CHL1: variants seen among roughly 807,000 people sequenced by gnomAD.
CHL1 encodes the protein cell adhesion molecule L1 like.
A neutral mutation model predicts 141.9 loss-of-function variants in CHL1; 96 were observed. The observed-to-expected ratio is 0.68, with a 90% CI of 0.57 to 0.80. The LOEUF (loss-of-function observed/expected upper bound fraction) is 0.80, where lower values mean the gene tolerates loss of function less well. Among genes scored for constraint, CHL1 ranks in the 30% least tolerant of loss-of-function variants. The pLI is 0.00. For synonymous variants in CHL1, 613 were observed against 502.2 expected (o/e 1.22, Z -2.95); for missense variants, 1,820 against 1,457.2 (o/e 1.25, Z -4.05).
At chr3:210,623 A>G (rs971557375) in intron 1 of CHL1, among the ~76,000 whole-genome samples, 2 of 152,264 alleles carry the variant, frequency 1.3e-5, no homozygotes, top group African/African-American at 2.4e-5. Flanking sequence ...GACCGTTCAG[A>G]TTCAAAGGAA....
chr3:328,947 C>G (rs1386720051), intron 5 of CHL1, among the ~76,000 whole-genome samples: 3 of 152,146 alleles, frequency 2.0e-5, no homozygotes, highest in East Asian at 1.9e-4. Flanking sequence ...ATAGTCCCAT[C>G]TAACATCAAT....
rs116027810 is a variant in CHL1, at chr3:323,655, G to C, written c.92-2304G>C. Among the ~76,000 whole-genome samples the C allele has an allele frequency of 1.6e-3, 240 of 151,962 alleles. 2 individuals are homozygous for C. The highest frequency in any genetic ancestry group is 5.6e-3 in the African/African-American group (234 of 41,468). On this transcript the variant is annotated intron_variant, in intron 3 of 27. Coordinates refer to ENST00000256509, the MANE Select transcript of CHL1 (RefSeq NM_006614.4). ...ACGGCTGGATTTTCTTTATATCTTT[G>C]AACAAATCAACCCTATTTCAACAGA...
intron 2 of CHL1, chr3:247,799 C>T (rs1254730873): frequency 6.6e-6 from 1 of 152,094 alleles, no homozygotes; most frequent in African/African-American, 2.4e-5. Flanking sequence ...AACATCTCTT[C>T]ACATGCATTC....
chr3:285,781 C>T (rs1434218364), intron 2 of CHL1, among the ~76,000 whole-genome samples: 1 of 152,002 alleles, frequency 6.6e-6, no homozygotes, highest in Non-Finnish European at 1.5e-5. Flanking sequence ...TCAGAAGTGA[C>T]CTAAAACCAA....
chr3:339,232 T>A (rs1206519332), intron 5 of CHL1, among the ~76,000 whole-genome samples: 1 of 152,216 alleles, frequency 6.6e-6, no homozygotes, highest in Admixed American at 6.5e-5. Flanking sequence ...ACGTTTTGTA[T>A]ATTACTATGC....
At chr3:220,191 G>T (rs1405992745) in intron 1 of CHL1, among the ~76,000 whole-genome samples, 1 of 152,178 alleles carries the variant, frequency 6.6e-6, no homozygotes, top group Non-Finnish European at 1.5e-5. Context: ...GGAATACTGT[G>T]TGCTGATTGT....
intron 5 of CHL1, among the ~76,000 whole-genome samples, chr3:337,517 T>TC (rs1415625859): frequency 2.4e-4 from 33 of 138,454 alleles, no homozygotes; most frequent in African/African-American, 8.1e-4. Context: ...CCCTCCCCTC[T>TC]CCCCCCACCC....
At chr3:216,543 A>G (rs1700337883) in intron 1 of CHL1, among the ~76,000 whole-genome samples, 1 of 152,246 alleles carries the variant, frequency 6.6e-6, no homozygotes, top group Non-Finnish European at 1.5e-5. Flanking sequence ...AACCCTGTCT[A>G]TTAAAAAAAG....
At chr3:282,474 T>C (rs1332615876) in intron 2 of CHL1, among the ~76,000 whole-genome samples, 1 of 152,206 alleles carries the variant, frequency 6.6e-6, no homozygotes, top group African/African-American at 2.4e-5. Flanking sequence ...TAACATCTAG[T>C]GTTCTTTCAT....
intron 2 of CHL1, among the ~76,000 whole-genome samples, chr3:250,469 G>T (rs1043738078): frequency 6.6e-6 from 1 of 152,096 alleles, no homozygotes; most frequent in Non-Finnish European, 1.5e-5. Context: ...GAAGATTAGG[G>T]TTATTTTTAG....
At chr3:269,587 A>G (rs1242248464) in intron 2 of CHL1, among the ~76,000 whole-genome samples, 2 of 152,108 alleles carry the variant, frequency 1.3e-5, no homozygotes, top group Non-Finnish European at 1.5e-5. Context: ...GTGCAATGGT[A>G]TGATCTTGGC....
At chr3:350,070 G>T (rs879287622) in intron 10 of CHL1, among the ~76,000 whole-genome samples, 2 of 152,016 alleles carry the variant, frequency 1.3e-5, no homozygotes, top group Admixed American at 6.6e-5. Flanking sequence ...CCATATCTTG[G>T]GTTCAGATGA....
At chr3:334,013 G>C (rs577846853) in intron 5 of CHL1, among the ~76,000 whole-genome samples, 2 of 152,182 alleles carry the variant, frequency 1.3e-5, no homozygotes, top group Non-Finnish European at 2.9e-5. Context: ...CTAGAGTGCA[G>C]TGGTACAAAC....
At chr3:229,796 G>C (rs1473182175) in intron 1 of CHL1, among the ~76,000 whole-genome samples, 1 of 152,080 alleles carries the variant, frequency 6.6e-6, no homozygotes, top group Non-Finnish European at 1.5e-5. Context: ...GCACAGTTTA[G>C]AACTTAATCT....
At chr3:395,706 A>G (rs532575212) in intron 24 of CHL1, among the ~76,000 whole-genome samples, 6 of 152,378 alleles carry the variant, frequency 3.9e-5, no homozygotes, top group African/African-American at 1.4e-4. Context: ...GTGTGGTGCA[A>G]AAGTAATTGT....
In CHL1 at chr3:343,086, A is replaced by C. The variant is rs530574661; in HGVS notation, c.727+55A>C. On this transcript the variant is annotated intron_variant, in intron 8 of 27. Transcript: ENST00000256509. ...TTTGTGTATAGCTCATTGTCATCTC[A>C]GATTTTGAATTTTTTCTTTAATATC... 9 of 1,413,772 alleles carry C rather than the reference A, an allele frequency of 6.4e-6. No individual in the cohort carries two copies. The Admixed American group carries it at 2.1e-4, about 33-fold the overall frequency. 87.6% of individuals were successfully genotyped at this position (1,413,772 alleles called of 1,614,324 possible).
At chr3:269,065 A>G (rs1695413390) in intron 2 of CHL1, among the ~76,000 whole-genome samples, 1 of 152,204 alleles carries the variant, frequency 6.6e-6, no homozygotes, top group African/African-American at 2.4e-5. Flanking sequence ...AGAGAGAAGC[A>G]AAAAATTATG....
chr3:392,221 G>T (rs1319717597), intron 23 of CHL1, among the ~76,000 whole-genome samples: 1 of 152,226 alleles, frequency 6.6e-6, no homozygotes, highest in Non-Finnish European at 1.5e-5. Context: ...GTTTGGAGAA[G>T]TAGGAAACAT....
intron 24 of CHL1, among the ~76,000 whole-genome samples, chr3:396,919 C>T (rs781583055): frequency 3.9e-5 from 6 of 152,106 alleles, no homozygotes; most frequent in Non-Finnish European, 8.8e-5. Flanking sequence ...TAAAAATGAT[C>T]ACTTGTGCAA....
Sources: allele counts gnomAD v4.1 joint callset (sites outside exome capture counted in the v4.1 genomes callset), GRCh38; gene constraint gnomAD v4.1.1; transcripts MANE v1.5; gene names NCBI Gene and HGNC (gene_info 2026-07-23, HGNC 2026-07-21).